Variants in ABI1 observed in about 807,000 individuals in gnomAD.
The protein encoded by ABI1 is Abelson interactor 1.
Under a neutral mutation model 54.6 loss-of-function variants are expected in ABI1, and 14 were observed. The observed-to-expected ratio is 0.26, with a 90% CI of 0.17 to 0.40. The LOEUF is 0.40. Ranked by LOEUF, ABI1 falls within the 10% of genes least tolerant of loss-of-function variation. The pLI, the probability that ABI1 is intolerant of heterozygous loss-of-function variation, is 1.00. For missense variants in ABI1, 443 were observed against 598.3 expected (o/e 0.74, Z 2.71); for synonymous variants, 194 against 209.3 (o/e 0.93, Z 0.63).
intron 7 of ABI1, among the ~76,000 whole-genome samples, chr10:26,759,522 A>G (rs1298870385): frequency 1.3e-5 from 2 of 152,142 alleles, no homozygotes; most frequent in African/African-American, 4.8e-5. Flanking sequence ...TGCTAATATG[A>G]TATATAAATT....
At chr10:26,758,627 T>G (rs902003754) in intron 8 of ABI1, among the ~76,000 whole-genome samples, 1 of 152,192 alleles carries the variant, frequency 6.6e-6, no homozygotes, top group Non-Finnish European at 1.5e-5. Flanking sequence ...GTTAATGACC[T>G]TAAAAGTGAT....
At chr10:26,779,309 G>A (rs1370830580) in intron 2 of ABI1, among the ~76,000 whole-genome samples, 1 of 152,122 alleles carries the variant, frequency 6.6e-6, no homozygotes, top group Admixed American at 6.5e-5. Context: ...GAAATGAAGA[G>A]GAAGTTTCAG....
intron 2 of ABI1, among the ~76,000 whole-genome samples, chr10:26,807,628 T>C (rs1047071729): frequency 6.6e-6 from 1 of 152,160 alleles, no homozygotes; most frequent in Non-Finnish European, 1.5e-5. Context: ...CAGCCTGTAA[T>C]ACAGGCAAAG....
intron 5 of ABI1, among the ~76,000 whole-genome samples, chr10:26,769,983 T>G (rs12267091): frequency 1.3e-5 from 2 of 152,050 alleles, no homozygotes; most frequent in African/African-American, 2.4e-5. Context: ...TTATATTTTT[T>G]AAAAATTAGA....
At chr10:26,854,950 T>C (rs541358214) in intron 1 of ABI1, among the ~76,000 whole-genome samples, 2 of 152,202 alleles carry the variant, frequency 1.3e-5, no homozygotes, top group Non-Finnish European at 2.9e-5. Flanking sequence ...TAGGCTGTAA[T>C]TCCTATACAG....
chr10:26,784,210 A>T (rs1842463983), intron 2 of ABI1, among the ~76,000 whole-genome samples: 1 of 152,168 alleles, frequency 6.6e-6, no homozygotes, highest in Non-Finnish European at 1.5e-5. Context: ...TCACTACTCA[A>T]TCATCATTCT....
At position 26,755,634 on chromosome 10, in the gene ABI1, GCTCAGTTT is replaced by G; in HGVS notation, c.1084+13_1084+20del. 6 of 1,583,976 alleles carry G rather than the reference GCTCAGTTT, an allele frequency of 3.8e-6. No individual in the cohort carries two copies. Among genetic ancestry groups the G allele is most frequent in the Non-Finnish European group, 5.2e-6 (6 of 1,153,096 alleles). On this transcript the variant is annotated intron_variant, in intron 9 of 10. Transcript: ENST00000376140. Reference sequence around the variant, plus strand: ...AGGAGACAGCCTCTACTCTTCCATAGCTCAGTTTTTCCAAACTTACTGTTTTCCTGCAC... The same window carrying G: ...AGGAGACAGCCTCTACTCTTCCATAGTTCCAAACTTACTGTTTTCCTGCAC...
chr10:26,795,399 G>A (rs1255156848), intron 2 of ABI1, among the ~76,000 whole-genome samples: 2 of 151,940 alleles, frequency 1.3e-5, no homozygotes, highest in Non-Finnish European at 2.9e-5. Context: ...ACTAGCAAGA[G>A]CCATCAAACA....
chr10:26,852,788 C>T (rs1357196473), intron 1 of ABI1, among the ~76,000 whole-genome samples: 2 of 152,068 alleles, frequency 1.3e-5, no homozygotes, highest in East Asian at 1.9e-4. Context: ...TTTTGCTGGT[C>T]GGGCATGGTG....
At chr10:26,801,832 A>G (rs1297410137) in intron 2 of ABI1, among the ~76,000 whole-genome samples, 2 of 152,242 alleles carry the variant, frequency 1.3e-5, no homozygotes. Context: ...AAATGCATGC[A>G]TGCATGCTAG....
intron 2 of ABI1, among the ~76,000 whole-genome samples, chr10:26,817,875 G>A (rs2047677580): frequency 6.6e-6 from 1 of 152,018 alleles, no homozygotes; most frequent in South Asian, 2.1e-4. Context: ...ACAATTCCTG[G>A]CCGGGCACGG....
At chr10:26,844,958 C>T (rs11015337) in intron 1 of ABI1, among the ~76,000 whole-genome samples, 4 of 151,932 alleles carry the variant, frequency 2.6e-5, no homozygotes, top group African/African-American at 4.8e-5. Flanking sequence ...CAATCCATCC[C>T]GTACCAATGT....
At chr10:26,808,407 T>A (rs2047008207) in intron 2 of ABI1, among the ~76,000 whole-genome samples, 1 of 152,156 alleles carries the variant, frequency 6.6e-6, no homozygotes, top group African/African-American at 2.4e-5. Flanking sequence ...TCATTCTTTG[T>A]TCACTCAGGG....
chr10:26,821,413 A>G (rs905179295), intron 2 of ABI1, among the ~76,000 whole-genome samples: 2 of 152,168 alleles, frequency 1.3e-5, no homozygotes, highest in African/African-American at 4.8e-5. Context: ...AACTAGCCAT[A>G]ATGATTAGTT....
At chr10:26,815,118 C>T (rs58178378) in intron 2 of ABI1, among the ~76,000 whole-genome samples, 3,676 of 152,130 alleles carry the variant, frequency 0.024, 151 homozygotes, top group African/African-American at 0.083. Flanking sequence ...CACTACAATG[C>T]ATTTACTTAA....
At chr10:26,854,330 TA>T (rs144126466) in intron 1 of ABI1, among the ~76,000 whole-genome samples, 6,107 of 148,956 alleles carry the variant, frequency 0.041, 167 homozygotes, top group Non-Finnish European at 0.06. Context: ...AATTTGCAAA[TA>T]TTATATAGTC....
Position 26,844,176 on chromosome 10 carries a change from T to C in ABI1, c.117+16571A>G, listed in dbSNP as rs75545975. 6.0e-4 allele frequency among the ~76,000 whole-genome samples: 92 copies of C among 152,254 alleles called. 8 individuals are homozygous for C. In the East Asian group the frequency reaches 0.017, roughly 29 times the overall value. On this transcript the variant is annotated intron_variant, in intron 1 of 10. Coordinates refer to ENST00000376140, the MANE Select transcript of ABI1 (RefSeq NM_001012750.3). ...CACAGCTCTCCCAAACATGCCTTGC[T>C]ATCTTTCTGTTCCTACTACCTATAT...
Position 26,748,535 on chromosome 10 carries a change from A to T in ABI1, c.*35T>A, listed in dbSNP as rs762872038. ...CCATAATAGTCCCACAGTATGACTGAGTAATAAGAATCTACTTCAAAAGAA... is the reference window on the plus strand; with the variant it reads ...CCATAATAGTCCCACAGTATGACTGTGTAATAAGAATCTACTTCAAAAGAA... On this transcript the variant is annotated 3_prime_UTR_variant, in exon 11 of 11. Coordinates refer to ENST00000376140, the MANE Select transcript of ABI1 (RefSeq NM_001012750.3). The T allele has an allele frequency of 3.9e-5, 59 of 1,495,914 alleles. No homozygotes were observed. The highest frequency in any genetic ancestry group is 5.4e-5 in the Non-Finnish European group (59 of 1,093,656). 92.7% of individuals were successfully genotyped at this position (1,495,914 alleles called of 1,614,324 possible).
rs1262495145 is a variant in ABI1 at position 26,823,120 on chromosome 10, C to T, written c.285+18G>A. 7 of 1,558,474 alleles carry T rather than the reference C, an allele frequency of 4.5e-6. No homozygotes were observed. Among genetic ancestry groups the T allele is most frequent in the Non-Finnish European group, 5.2e-6 (6 of 1,161,198 alleles). Reference sequence around the variant, plus strand: ...AGTTTTTTTTAAATTGAATTTAAAGCATTTTATAAGCTGTTACCTGTGAGA... The same window carrying T: ...AGTTTTTTTTAAATTGAATTTAAAGTATTTTATAAGCTGTTACCTGTGAGA... On this transcript the variant is annotated intron_variant, in intron 2 of 10. Transcript: ENST00000376140.
Sources: gnomAD v4.1 joint callset for allele counts (sites outside exome capture counted in the v4.1 genomes callset) on GRCh38, gnomAD v4.1.1 for gene constraint, MANE v1.5 for transcripts, NCBI Gene and HGNC (gene_info 2026-07-23, HGNC 2026-07-21) for gene names.